Variants in DNMT3B observed in about 807,000 individuals in gnomAD.
DNMT3B encodes DNA methyltransferase 3 beta.
In DNMT3B, 37 loss-of-function variants were observed where a neutral mutation model predicts 120.2. That is an observed-to-expected ratio of 0.31 (90% CI 0.24 to 0.40). DNMT3B has a LOEUF of 0.40. Ranked by LOEUF, DNMT3B falls within the 10% of genes least tolerant of loss-of-function variation. The pLI is 1.00. For missense variants in DNMT3B, 878 were observed against 1,137.3 expected (o/e 0.77, Z 3.28); for synonymous variants, 412 against 442.8 (o/e 0.93, Z 0.87).
chr20:32,782,786 G>T (rs907250674), intron 3 of DNMT3B, among the ~76,000 whole-genome samples: 1 of 152,148 alleles, frequency 6.6e-6, no homozygotes, highest in Non-Finnish European at 1.5e-5. Flanking sequence ...CAGCCATGGG[G>T]GGTCTTGCAT....
At chr20:32,780,208 A>C in intron 1 of DNMT3B, 110 bp from the exon 2 acceptor site, 1 of 1,613,044 alleles carries the variant, frequency 6.2e-7, no homozygotes, top group East Asian at 2.2e-5. Context: ...TCACCCTAAG[A>C]ATGCATCCTG....
At chr20:32,781,201 G>A (rs1307824795) in intron 2 of DNMT3B, 152 bp from the exon 3 acceptor site, 2 of 791,518 alleles carry the variant, frequency 2.5e-6, no homozygotes, top group Non-Finnish European at 4.3e-6. Context: ...GAAGATGAAC[G>A]ATACTGACGG....
At chr20:32,781,226 C>A in intron 2 of DNMT3B, 127 bp from the exon 3 acceptor site, 1 of 912,818 alleles carries the variant, frequency 1.1e-6, no homozygotes, top group Non-Finnish European at 1.8e-6. Context: ...AGAGCAAATC[C>A]CTGTGGCTGA....
At chr20:32,778,808 C>T (rs1390810699) in intron 1 of DNMT3B, among the ~76,000 whole-genome samples, 2 of 152,224 alleles carry the variant, frequency 1.3e-5, no homozygotes, top group Non-Finnish European at 2.9e-5. Context: ...AAAAAATTAG[C>T]CACACCTGGT....
chr20:32,766,881 A>AT (rs111572909), intron 1 of DNMT3B, among the ~76,000 whole-genome samples: 6,295 of 149,934 alleles, frequency 0.042, 408 homozygotes, highest in African/African-American at 0.14. Context: ...CCCAAATTCA[A>AT]TTTTTTTTTA....
chr20:32,803,727 G>C (rs1285000288), intron 20 of DNMT3B, among the ~76,000 whole-genome samples: 1 of 152,160 alleles, frequency 6.6e-6, no homozygotes, highest in Non-Finnish European at 1.5e-5. Flanking sequence ...GAGTACTCCA[G>C]GTGGGAAGAG....
chr20:32,772,464 G>T (rs1477856673), intron 1 of DNMT3B, among the ~76,000 whole-genome samples: 1 of 152,164 alleles, frequency 6.6e-6, no homozygotes, highest in African/African-American at 2.4e-5. Flanking sequence ...GACCTCCTTT[G>T]CCCCCTTGGG....
chr20:32,799,883 CTT>C (rs1464675638), intron 16 of DNMT3B, among the ~76,000 whole-genome samples: 15 of 152,204 alleles, frequency 9.9e-5, no homozygotes, highest in African/African-American at 3.6e-4. Context: ...GTGCAGTTAT[CTT>C]GAACTTGATT....
At chr20:32,776,162 GA>G (rs1370764994) in intron 1 of DNMT3B, among the ~76,000 whole-genome samples, 1 of 152,060 alleles carries the variant, frequency 6.6e-6, no homozygotes, top group Non-Finnish European at 1.5e-5. Flanking sequence ...CCGGGAGGTG[GA>G]GGTTGCAGTG....
chr20:32,778,959 G>GATGA (rs1432609623), intron 1 of DNMT3B, among the ~76,000 whole-genome samples: 11 of 151,982 alleles, frequency 7.2e-5, no homozygotes, highest in Non-Finnish European at 1.6e-4. Context: ...TGGATGGATG[G>GATGA]ATGGATGGAT....
At chr20:32,766,321 C>T (rs983289901) in intron 1 of DNMT3B, among the ~76,000 whole-genome samples, 8 of 151,566 alleles carry the variant, frequency 5.3e-5, no homozygotes, top group African/African-American at 9.7e-5. Context: ...CCAGCCTGGG[C>T]GACAGACCGA....
At chr20:32,799,469 CCTT>C (rs1981058859) in intron 16 of DNMT3B, 141 bp downstream of exon 16, 1 of 901,708 alleles carries the variant, frequency 1.1e-6, no homozygotes, top group Non-Finnish European at 1.8e-6. Context: ...AACCCTGTCT[CCTT>C]GTTTCTCTCC....
At chr20:32,797,629 A>G (rs1457652757) in intron 14 of DNMT3B, among the ~76,000 whole-genome samples, 1 of 151,042 alleles carries the variant, frequency 6.6e-6, no homozygotes, top group African/African-American at 2.4e-5. Context: ...GAACAGCTTG[A>G]TTATAGGCAC....
At chr20:32,763,506 G>C (rs369754317) in intron 1 of DNMT3B, among the ~76,000 whole-genome samples, 149 of 152,316 alleles carry the variant, frequency 9.8e-4, no homozygotes, top group African/African-American at 3.3e-3. Context: ...CCCGTGTGCG[G>C]CTGGCCCCAC....
chr20:32,807,429 A>AATT (rs1357131842), intron 22 of DNMT3B, among the ~76,000 whole-genome samples: 3 of 152,148 alleles, frequency 2.0e-5, no homozygotes, highest in Admixed American at 1.3e-4. Flanking sequence ...TTATTAAGGA[A>AATT]ATTGCTTAAC....
intron 1 of DNMT3B, among the ~76,000 whole-genome samples, chr20:32,773,612 CTTTTTTTT>C (rs11356349): frequency 1.4e-5 from 2 of 138,830 alleles, no homozygotes; most frequent in African/African-American, 5.4e-5. Flanking sequence ...AAATATTGGG[CTTTTTTTT>C]TTTTTTTTTA....
rs1051749732 is a variant in DNMT3B, at chr20:32,798,585, G to A, written c.1616G>A (p.Arg539Gln). The change falls in exon 15 of 23, where the codon CGG (arginine) becomes CAG (glutamine). Residue 539 changes from arginine (R) to glutamine (Q), a missense_variant. By Grantham distance (43) the Arg-to-Gln change is conservative (BLOSUM62 1). This residue lies in a region of DNMT3B where 334 missense variants were observed against 518.8 expected (regional missense o/e 0.64). Transcript: ENST00000328111. ...CGCTGTCATGGCGTCCTGCGGCGCC[G>A]GAAGGACTGGAACGTGCGCCTGCAG... ...PQRCHGVLRR[R>Q]KDWNVRLQAF... 6 of 1,614,086 alleles carry A rather than the reference G, an allele frequency of 3.7e-6. No individual in the cohort carries two copies. Among genetic ancestry groups the A allele is most frequent in the African/African-American group, 1.3e-5 (1 of 74,952 alleles).
chr20:32,791,485 A>G (rs1979967240), intron 7 of DNMT3B, 116 bp from the exon 8 acceptor site: 1 of 972,330 alleles, frequency 1.0e-6, no homozygotes, highest in East Asian at 2.6e-5. Flanking sequence ...ATCCCCAGGA[A>G]TGGTCTCTTG....
At chr20:32,769,590 G>A (rs924396389) in intron 1 of DNMT3B, among the ~76,000 whole-genome samples, 1 of 152,120 alleles carries the variant, frequency 6.6e-6, no homozygotes, top group Non-Finnish European at 1.5e-5. Flanking sequence ...TTGAAAAGTG[G>A]TTTTTATGTG....
Sources: gnomAD v4.1 joint callset for allele counts (sites outside exome capture counted in the v4.1 genomes callset) on GRCh38, gnomAD v4.1.1 for gene constraint, gnomAD v4.1.1 regional missense constraint, MANE v1.5 for transcripts, NCBI Gene and HGNC (gene_info 2026-07-23, HGNC 2026-07-21) for gene names.